The following BICC1 variants were observed in gnomAD, a reference collection of about 807,000 sequenced individuals.
BICC1 encodes protein bicaudal C homolog 1.
In BICC1, 43 loss-of-function variants were observed where a neutral mutation model predicts 111.0. The observed-to-expected ratio is 0.39, with a 90% CI of 0.30 to 0.50. BICC1 has a LOEUF of 0.50. Ranked by LOEUF, BICC1 falls within the 20% of genes least tolerant of loss-of-function variation. The probability of loss-of-function intolerance (pLI) is 0.88; values close to 1 mark genes in which losing one functional copy is unlikely to be tolerated. For missense variants in BICC1, 1,091 were observed against 1,203.2 expected (o/e 0.91, Z 1.38); for synonymous variants, 467 against 434.4 (o/e 1.07, Z -0.93).
chr10:58,548,655 C>G (rs1315109420), intron 1 of BICC1, among the ~76,000 whole-genome samples: 1 of 152,202 alleles, frequency 6.6e-6, no homozygotes, highest in Non-Finnish European at 1.5e-5. Flanking sequence ...TCCGAAACCC[C>G]TGGCAATGAT....
At chr10:58,664,851 C>T (rs1189398734) in intron 2 of BICC1, among the ~76,000 whole-genome samples, 1 of 151,934 alleles carries the variant, frequency 6.6e-6, no homozygotes, top group East Asian at 1.9e-4. Flanking sequence ...TGTCAGTAGT[C>T]AGTATTGTCA....
chr10:58,793,811 C>A (rs1277946579), intron 9 of BICC1, among the ~76,000 whole-genome samples, 196 bp downstream of exon 9: 1 of 152,126 alleles, frequency 6.6e-6, no homozygotes, highest in Non-Finnish European at 1.5e-5. Flanking sequence ...CTCATTGGAG[C>A]ATTTTAGATT....
chr10:58,524,677 A>G (rs1842482470), intron 1 of BICC1, among the ~76,000 whole-genome samples: 1 of 151,882 alleles, frequency 6.6e-6, no homozygotes, highest in Non-Finnish European at 1.5e-5. Context: ...TAAAACACCA[A>G]AAGCAATGGC....
At position 58,516,161 on chromosome 10, in the gene BICC1, TTAAAA is replaced by T. The variant is rs3999637; in HGVS notation, c.190+2831_190+2835del. Among the ~76,000 whole-genome samples, 840 of 152,336 alleles carry T rather than the reference TTAAAA, an allele frequency of 5.5e-3. 4 individuals are homozygous for T. The highest frequency in any genetic ancestry group is 0.019 in the African/African-American group (799 of 41,590). ...TGCTATTTTTCTATTTACAATTGACTTAAAATAGGTACAGGTTTCCAATTTAAATC... is the reference window on the plus strand; with the variant it reads ...TGCTATTTTTCTATTTACAATTGACTTAGGTACAGGTTTCCAATTTAAATC... On this transcript the variant is annotated intron_variant, in intron 1 of 20. Transcript: ENST00000373886.
chr10:58,593,693 C>T (rs1413421021), intron 1 of BICC1, among the ~76,000 whole-genome samples: 1 of 151,952 alleles, frequency 6.6e-6, no homozygotes, highest in Non-Finnish European at 1.5e-5. Flanking sequence ...AGAAATAGCA[C>T]ATCCACTCAA....
chr10:58,827,881 C>T (rs957731418), intron 20 of BICC1, among the ~76,000 whole-genome samples: 4 of 152,210 alleles, frequency 2.6e-5, no homozygotes. Flanking sequence ...ACAGCAAGAG[C>T]AACCCCTTCT....
intron 1 of BICC1, among the ~76,000 whole-genome samples, chr10:58,519,973 A>G (rs888246142): frequency 2.0e-5 from 3 of 152,168 alleles, no homozygotes; most frequent in African/African-American, 4.8e-5. Context: ...TTTAGAATTG[A>G]CAGGTTCAGT....
chr10:58,778,373 T>A (rs561629501), intron 3 of BICC1, among the ~76,000 whole-genome samples: 43 of 152,080 alleles, frequency 2.8e-4, no homozygotes, highest in African/African-American at 1.0e-3. Flanking sequence ...CCCAAAAACT[T>A]TATTAATAGC....
intron 1 of BICC1, among the ~76,000 whole-genome samples, chr10:58,617,247 G>A (rs564295058): frequency 6.6e-5 from 10 of 152,362 alleles, no homozygotes; most frequent in East Asian, 5.8e-4. Flanking sequence ...AGCTGATAGC[G>A]GGATGGATGC....
At chr10:58,772,011 A>T (rs1842633221) in intron 3 of BICC1, among the ~76,000 whole-genome samples, 1 of 152,222 alleles carries the variant, frequency 6.6e-6, no homozygotes. Flanking sequence ...AAGTTTTTAC[A>T]TCTGTGCTCA....
intron 3 of BICC1, among the ~76,000 whole-genome samples, chr10:58,778,069 C>T (rs1255638608): frequency 1.3e-5 from 2 of 151,854 alleles, no homozygotes; most frequent in Non-Finnish European, 2.9e-5. Flanking sequence ...AAAAATTAGC[C>T]AGGCATGGTG....
chr10:58,812,161 T>A lies in BICC1; in HGVS notation c.2377-1669T>A, dbSNP rs1156505768. Among the ~76,000 whole-genome samples the A allele has an allele frequency of 4.6e-5, 7 of 151,716 alleles. No individual in the cohort carries two copies. In the East Asian group the frequency reaches 1.4e-3, roughly 29 times the overall value. On this transcript the variant is annotated intron_variant, in intron 17 of 20. Transcript: ENST00000373886. ...ATTAAAATGGCCCTTAGGGAGGCAGTTGGGACATTGTGGAGGTGCATAGAA... is the reference window on the plus strand; with the variant it reads ...ATTAAAATGGCCCTTAGGGAGGCAGATGGGACATTGTGGAGGTGCATAGAA...
chr10:58,652,908 G>T (rs1287011383), intron 2 of BICC1, among the ~76,000 whole-genome samples: 1 of 152,106 alleles, frequency 6.6e-6, no homozygotes, highest in Admixed American at 6.5e-5. Context: ...AGTGTTTGCT[G>T]TTAGTAGAAG....
chr10:58,659,372 A>G (rs1411216557), intron 2 of BICC1, among the ~76,000 whole-genome samples: 2 of 152,224 alleles, frequency 1.3e-5, no homozygotes, highest in African/African-American at 2.4e-5. Context: ...AAAATGTGGT[A>G]CATATACACC....
intron 20 of BICC1, among the ~76,000 whole-genome samples, chr10:58,822,037 T>A (rs949381589): frequency 8.5e-5 from 13 of 152,186 alleles, no homozygotes; most frequent in Admixed American, 3.3e-4. Flanking sequence ...TCTGTAAAGC[T>A]CATCCTCAGG....
intron 5 of BICC1, 42 bp downstream of exon 5, chr10:58,787,123 A>T (rs1204733125): frequency 6.7e-7 from 1 of 1,487,388 alleles, no homozygotes; most frequent in Non-Finnish European, 8.9e-7. Context: ...GATGAATTAC[A>T]GCCTTAATTT....
At chr10:58,717,567 C>T (rs546646423) in intron 3 of BICC1, among the ~76,000 whole-genome samples, 18 of 152,188 alleles carry the variant, frequency 1.2e-4, no homozygotes, top group Non-Finnish European at 1.5e-4. Context: ...TATATAAGCA[C>T]GTAAACAGTA....
At chr10:58,523,840 G>A (rs1194559045) in intron 1 of BICC1, among the ~76,000 whole-genome samples, 2 of 152,140 alleles carry the variant, frequency 1.3e-5, no homozygotes, top group Non-Finnish European at 2.9e-5. Flanking sequence ...TAAGCTGATA[G>A]ACAACTTCAG....
At chr10:58,775,184 C>G (rs1274065564) in intron 3 of BICC1, among the ~76,000 whole-genome samples, 1 of 152,010 alleles carries the variant, frequency 6.6e-6, no homozygotes, top group Non-Finnish European at 1.5e-5. Flanking sequence ...ACCAGCCTGG[C>G]CAACATGGAG....
Sources: allele counts gnomAD v4.1 joint callset (sites outside exome capture counted in the v4.1 genomes callset), GRCh38; gene constraint gnomAD v4.1.1; transcripts MANE v1.5; gene names NCBI Gene and HGNC (gene_info 2026-07-23, HGNC 2026-07-21).